The following IL17B variants were observed in gnomAD, a reference collection of about 807,000 sequenced individuals.
IL17B encodes interleukin 17B.
A neutral mutation model predicts 14.7 loss-of-function variants in IL17B; 14 were observed. That is an observed-to-expected ratio of 0.95 (90% CI 0.63 to 1.49). The LOEUF (loss-of-function observed/expected upper bound fraction) is 1.49, where lower values mean the gene tolerates loss of function less well. Among genes scored for constraint, IL17B ranks in the 40% most tolerant of loss-of-function variants. IL17B has a pLI of 0.00. For missense variants in IL17B, 233 were observed against 252.8 expected (o/e 0.92, Z 0.53); for synonymous variants, 105 against 94.8 (o/e 1.11, Z -0.62).
chr5:149,390,503 G>A (rs1561715965), intron 1 of IL17B, among the ~76,000 whole-genome samples: 1 of 145,220 alleles, frequency 6.9e-6, no homozygotes, highest in Non-Finnish European at 1.5e-5. Context: ...CTCAGCCTGG[G>A]CCCCCACCAC....
At chr5:149,388,165 A>G (rs1282204075) in intron 1 of IL17B, among the ~76,000 whole-genome samples, 2 of 152,216 alleles carry the variant, frequency 1.3e-5, no homozygotes, top group Non-Finnish European at 2.9e-5. Context: ...CAGAGGGATA[A>G]GTTTTCTGAG....
intron 1 of IL17B, among the ~76,000 whole-genome samples, chr5:149,389,619 G>C (rs763797653): frequency 6.6e-6 from 1 of 152,234 alleles, no homozygotes; most frequent in Non-Finnish European, 1.5e-5. Flanking sequence ...TCAGCACTGG[G>C]ATGGGGAGGA....
intron 1 of IL17B, among the ~76,000 whole-genome samples, chr5:149,384,438 T>C (rs1055775947): frequency 4.6e-5 from 7 of 152,316 alleles, no homozygotes; most frequent in African/African-American, 1.7e-4. Flanking sequence ...CTGATTTTGA[T>C]GTATAGTGTG....
intron 1 of IL17B, 33 bp downstream of exon 1, chr5:149,379,172 G>C (rs2127617931): frequency 6.2e-7 from 1 of 1,613,870 alleles, no homozygotes; most frequent in East Asian, 2.2e-5. Flanking sequence ...CTCTTAAAAA[G>C]GGGTGGGGGT....
chr5:149,402,076 C>T (rs958404629), intron 1 of IL17B, among the ~76,000 whole-genome samples: 1 of 152,212 alleles, frequency 6.6e-6, no homozygotes, highest in Non-Finnish European at 1.5e-5. Flanking sequence ...CTGCTCTCTA[C>T]AGGGTTTTCA....
At chr5:149,400,923 T>C (rs922778104) in intron 1 of IL17B, among the ~76,000 whole-genome samples, 5 of 152,186 alleles carry the variant, frequency 3.3e-5, no homozygotes, top group Non-Finnish European at 5.9e-5. Flanking sequence ...CACCCTTTTG[T>C]TCTAGTCAGG....
chr5:149,392,970 G>A (rs1315213624), intron 1 of IL17B, among the ~76,000 whole-genome samples: 4 of 62,212 alleles, frequency 6.4e-5, no homozygotes, highest in East Asian at 3.1e-4. Flanking sequence ...GTGTGTGTGC[G>A]CGCGTGCGTG....
At chr5:149,401,502 C>A (rs1759205395) in intron 1 of IL17B, among the ~76,000 whole-genome samples, 2 of 152,138 alleles carry the variant, frequency 1.3e-5, no homozygotes, top group Non-Finnish European at 2.9e-5. Context: ...GTCAGGAGTT[C>A]AAGACCAGCC....
At chr5:149,386,446 A>G (rs1289061812) in intron 1 of IL17B, among the ~76,000 whole-genome samples, 1 of 151,926 alleles carries the variant, frequency 6.6e-6, no homozygotes, top group Non-Finnish European at 1.5e-5. Context: ...ACCCCTAGAA[A>G]ACTCACAGGC....
chr5:149,400,039 A>T (rs975259607), intron 1 of IL17B, among the ~76,000 whole-genome samples: 1 of 152,168 alleles, frequency 6.6e-6, no homozygotes, highest in Non-Finnish European at 1.5e-5. Flanking sequence ...GTGGTCCCTT[A>T]CACATGTTTA....
intron 1 of IL17B, among the ~76,000 whole-genome samples, chr5:149,390,217 A>ACCCCCCC (rs369377689): frequency 1.5e-5 from 2 of 130,738 alleles, no homozygotes; most frequent in Non-Finnish European, 3.4e-5. Flanking sequence ...GGTATTAGTG[A>ACCCCCCC]CCCCCCCCCT....
At chr5:149,391,146 T>G (rs1758943728) in intron 1 of IL17B, among the ~76,000 whole-genome samples, 1 of 152,176 alleles carries the variant, frequency 6.6e-6, no homozygotes, top group African/African-American at 2.4e-5. Context: ...TTTGTATTTT[T>G]GTAGAGATGG....
chr5:149,395,497 C>G (rs761656619), intron 1 of IL17B, among the ~76,000 whole-genome samples: 3 of 152,186 alleles, frequency 2.0e-5, no homozygotes, highest in Non-Finnish European at 4.4e-5. Flanking sequence ...AACAGCAACA[C>G]CATTGTGTAA....
Position 149,398,454 on chromosome 5 carries a change from CAT to C in IL17B, n.95+5652_95+5653del, listed in dbSNP as rs1279864859. Among the ~76,000 whole-genome samples, 11 of 152,346 alleles carry C rather than the reference CAT, an allele frequency of 7.2e-5. No homozygotes were observed. In the Middle Eastern group the frequency reaches 0.014, roughly 188 times the overall value. On this transcript the variant is annotated intron_variant and non_coding_transcript_variant, in intron 1 of 2. Transcript: ENST00000505432. ...CAGCATTTTGTACACAATAAACACT[CAT>C]ACGTTTTTGAGAAAAGAGAGCGGCA...
At chr5:149,378,323 T>TCA (rs1269318301) in intron 1 of IL17B, among the ~76,000 whole-genome samples, 2 of 151,678 alleles carry the variant, frequency 1.3e-5, no homozygotes, top group African/African-American at 2.4e-5. Context: ...CAAGCCCTCC[T>TCA]CACACACACA....
chr5:149,378,973 G>C (rs1022362354), intron 1 of IL17B, among the ~76,000 whole-genome samples: 1 of 152,170 alleles, frequency 6.6e-6, no homozygotes, highest in South Asian at 2.1e-4. Context: ...GACGCCTCTG[G>C]TCTGAAAAGG....
rs181352926 is a variant in IL17B at position 149,402,589 on chromosome 5, C to G, written n.95+1519G>C. ...ACAAATTCAACCTCCAGCAGGGCGC[C>G]TTGCTACTCTCACACTTACCCTCTC... is the stretch of plus-strand genomic sequence containing the variant. On this transcript the variant is annotated intron_variant and non_coding_transcript_variant, in intron 1 of 2. Transcript: ENST00000505432. Among the ~76,000 whole-genome samples the G allele has an allele frequency of 1.7e-3, 252 of 151,814 alleles. 1 individual carries two copies. Among genetic ancestry groups the G allele is most frequent in the African/African-American group, 6.0e-3 (247 of 41,368 alleles).
chr5:149,399,266 A>G (rs1759161229), intron 1 of IL17B, among the ~76,000 whole-genome samples: 1 of 152,156 alleles, frequency 6.6e-6, no homozygotes, highest in African/African-American at 2.4e-5. Context: ...CCCTGTTCAC[A>G]GCTGGGGCAT....
chr5:149,381,764 C>CT (rs879331809), upstream of IL17B, among the ~76,000 whole-genome samples: 6 of 152,200 alleles, frequency 3.9e-5, no homozygotes, highest in Non-Finnish European at 5.9e-5. Context: ...CTAGAAACCC[C>CT]TGGAGGGTCA....
Sources: gnomAD v4.1 joint callset for allele counts (sites outside exome capture counted in the v4.1 genomes callset) on GRCh38, gnomAD v4.1.1 for gene constraint, MANE v1.5 for transcripts, NCBI Gene and HGNC (gene_info 2026-07-23, HGNC 2026-07-21) for gene names.